Variants in PLCE1 observed in about 807,000 individuals in gnomAD.
PLCE1 encodes the protein 1-phosphatidylinositol 4,5-bisphosphate phosphodiesterase epsilon-1.
A neutral mutation model predicts 242.8 loss-of-function variants in PLCE1; 119 were observed. That is an observed-to-expected ratio of 0.49 (90% CI 0.42 to 0.57). The LOEUF (loss-of-function observed/expected upper bound fraction) is 0.57. Among genes scored for constraint, PLCE1 ranks in the 20% least tolerant of loss-of-function variants. The pLI is 0.00. For missense variants in PLCE1, 2,441 were observed against 2,788.8 expected (o/e 0.88, Z 2.81); for synonymous variants, 945 against 1,017.4 (o/e 0.93, Z 1.35).
intron 2 of PLCE1, among the ~76,000 whole-genome samples, chr10:94,074,944 T>C (rs895506689): frequency 6.6e-6 from 1 of 152,214 alleles, no homozygotes; most frequent in Non-Finnish European, 1.5e-5. Flanking sequence ...ATTTATGCCT[T>C]GTAAATGTGG....
chr10:94,010,271 C>T lies in PLCE1; in HGVS notation c.-365+16013C>T, dbSNP rs568200980. ...GAGCCACAGCTGGAACTGGGGCAGC[C>T]GTGTCCTGAGGCTAAACATGGCAGG... On this transcript the variant is annotated intron_variant, in intron 1 of 32. Transcript: ENST00000371380. Among the ~76,000 whole-genome samples, 101 of 152,336 alleles carry T rather than the reference C, an allele frequency of 6.6e-4. 1 individual carries two copies. The South Asian group carries it at 0.017, about 25-fold the overall frequency.
At chr10:94,120,343 T>G (rs1372603156) in intron 2 of PLCE1, among the ~76,000 whole-genome samples, 1 of 152,208 alleles carries the variant, frequency 6.6e-6, no homozygotes, top group African/African-American at 2.4e-5. Context: ...CTGTACTGGT[T>G]GTCTTAAACA....
At chr10:94,290,423 A>G (rs2052603300) in intron 22 of PLCE1, among the ~76,000 whole-genome samples, 1 of 136,714 alleles carries the variant, frequency 7.3e-6, no homozygotes, top group Non-Finnish European at 1.6e-5. Context: ...AATTTTTTTT[A>G]CTTCATTTTA....
intron 17 of PLCE1, 40 bp downstream of exon 17, chr10:94,269,076 G>C: frequency 4.6e-6 from 3 of 656,020 alleles, no homozygotes; most frequent in Non-Finnish European, 8.5e-6. Context: ...ATCACAAAGA[G>C]ACATTATCTT....
chr10:94,243,560 C>T (rs2050580958), intron 7 of PLCE1, among the ~76,000 whole-genome samples: 1 of 152,188 alleles, frequency 6.6e-6, no homozygotes, highest in Admixed American at 6.5e-5. Flanking sequence ...GTGAGGTACA[C>T]TGTCTTTGGA....
intron 2 of PLCE1, among the ~76,000 whole-genome samples, chr10:94,114,916 C>T (rs977801323): frequency 3.9e-5 from 6 of 151,954 alleles, no homozygotes; most frequent in African/African-American, 1.5e-4. Context: ...ATCCCTCCCC[C>T]CTTCCCCCAT....
At chr10:94,119,107 A>G (rs2046227351) in intron 2 of PLCE1, among the ~76,000 whole-genome samples, 1 of 152,186 alleles carries the variant, frequency 6.6e-6, no homozygotes, top group Non-Finnish European at 1.5e-5. Context: ...TTACCTTGTG[A>G]GTACAAATGA....
chr10:94,104,794 C>G (rs970621593), intron 2 of PLCE1: 3 of 152,142 alleles, frequency 2.0e-5, no homozygotes, highest in Non-Finnish European at 2.9e-5. Context: ...TGTTCATATT[C>G]CTTATAGAAC....
At chr10:94,106,954 T>TCCC (rs1199787876) in intron 2 of PLCE1, 9 of 18,516 alleles carry the variant, frequency 4.9e-4, no homozygotes, top group African/African-American at 1.5e-3. Context: ...CCCCCTCCCC[T>TCCC]CCCCCCCCCA....
intron 6 of PLCE1, chr10:94,235,573 T>A (rs1010362444): frequency 4.6e-6 from 1 of 216,926 alleles, no homozygotes; most frequent in African/African-American, 2.3e-5. Flanking sequence ...TACTCATGGT[T>A]TTTCTCAGTT....
intron 4 of PLCE1, among the ~76,000 whole-genome samples, chr10:94,186,853 C>T (rs868822309): frequency 3.9e-5 from 6 of 152,274 alleles, no homozygotes; most frequent in Admixed American, 2.0e-4. Flanking sequence ...CTCTCGCATT[C>T]GTTGATATGA....
chr10:94,325,136 G>A, intron 32 of PLCE1, 32 bp downstream of exon 32: 2 of 1,459,336 alleles, frequency 1.4e-6, no homozygotes, highest in Non-Finnish European at 1.9e-6. Flanking sequence ...TCCTGGAACA[G>A]GGCTTAACTT....
At chr10:94,115,544 T>C (rs1255022109) in intron 2 of PLCE1, among the ~76,000 whole-genome samples, 1 of 152,256 alleles carries the variant, frequency 6.6e-6, no homozygotes, top group Non-Finnish European at 1.5e-5. Context: ...TTCATGTGTC[T>C]GTTGGCTGCA....
chr10:94,089,053 G>A, intron 2 of PLCE1: 1 of 1,602,576 alleles, frequency 6.2e-7, no homozygotes, highest in Non-Finnish European at 8.5e-7. Context: ...ATTTTTCACT[G>A]TGATTTGAGA....
At chr10:94,302,602 G>A (rs1352903858) in intron 24 of PLCE1, among the ~76,000 whole-genome samples, 3 of 152,134 alleles carry the variant, frequency 2.0e-5, no homozygotes, top group African/African-American at 7.2e-5. Context: ...CCTATAAGAT[G>A]TACATTATAT....
At chr10:94,304,781 T>A in intron 25 of PLCE1, 136 bp downstream of exon 25, 1 of 822,818 alleles carries the variant, frequency 1.2e-6, no homozygotes, top group Non-Finnish European at 2.0e-6. Flanking sequence ...CAGAATAATG[T>A]ATTTATTTTC....
chr10:94,265,693 T>C lies in PLCE1; in HGVS notation c.4100T>C (p.Phe1367Ser). The change falls in exon 15 of 33, where the codon TTT (phenylalanine) becomes TCT (serine). Residue 1367 changes from phenylalanine (F) to serine (S), a missense_variant. Phe to Ser is a radical substitution (Grantham distance 155). Coordinates refer to ENST00000371380, the MANE Select transcript of PLCE1 (RefSeq NM_016341.4). The part of the protein sequence containing the change: ...ISMCHQGLMS[F>S]EGFARFLMDK... ...ATGTGTCATCAGGGACTAATGTCAT[T>C]TGAAGGGTTTGCCAGGTAACTTTTA... The C allele has an allele frequency of 6.2e-7, 1 of 1,613,994 alleles. No individual in the cohort carries two copies. The highest frequency in any genetic ancestry group is 1.1e-5 in the South Asian group (1 of 91,078).
chr10:94,240,051 T>C (rs1181427406), intron 7 of PLCE1, among the ~76,000 whole-genome samples: 2 of 152,172 alleles, frequency 1.3e-5, no homozygotes, highest in Admixed American at 1.3e-4. Context: ...GGCCAACACC[T>C]GAGACCCAAC....
At chr10:94,250,977 C>T (rs1418577980) in intron 8 of PLCE1, among the ~76,000 whole-genome samples, 1 of 152,162 alleles carries the variant, frequency 6.6e-6, no homozygotes, top group African/African-American at 2.4e-5. Flanking sequence ...GACTGATCTC[C>T]AACCATTTTC....
Sources: gnomAD v4.1 joint callset for allele counts (sites outside exome capture counted in the v4.1 genomes callset) on GRCh38, gnomAD v4.1.1 for gene constraint, MANE v1.5 for transcripts, NCBI Gene and HGNC (gene_info 2026-07-23, HGNC 2026-07-21) for gene names.